The following EDIL3 variants were observed in gnomAD, a reference collection of about 807,000 sequenced individuals.
EDIL3 encodes EGF like and discoidin domains 3.
Under a neutral mutation model 67.4 loss-of-function variants are expected in EDIL3, and 37 were observed. That is an observed-to-expected ratio of 0.55 (90% CI 0.42 to 0.72). The LOEUF is 0.72. EDIL3 is among the 30% of genes least tolerant of loss of function. The pLI is 0.00. For missense variants in EDIL3, 527 were observed against 586.3 expected, an observed-to-expected ratio of 0.90 and a Z score of 1.04; for synonymous variants, 195 against 196.3, an observed-to-expected ratio of 0.99 and a Z score of 0.05.
chr5:84,341,604 C>A (rs549176687), intron 1 of EDIL3, among the ~76,000 whole-genome samples: 1 of 152,172 alleles, frequency 6.6e-6, no homozygotes, highest in Admixed American at 6.6e-5. Flanking sequence ...TCAGGATTTT[C>A]ATACAATCAT....
At chr5:84,033,666 T>C (rs1263286759) in intron 9 of EDIL3, among the ~76,000 whole-genome samples, 4 of 144,550 alleles carry the variant, frequency 2.8e-5, no homozygotes, top group Non-Finnish European at 6.0e-5. Context: ...ATCCTGCCAT[T>C]GTACTCCAAC....
At chr5:84,123,563 C>T (rs565686042) in intron 5 of EDIL3, among the ~76,000 whole-genome samples, 48 of 152,078 alleles carry the variant, frequency 3.2e-4, no homozygotes, top group Middle Eastern at 6.8e-3. Flanking sequence ...ATTATGTTTA[C>T]TTCACACACC....
intron 9 of EDIL3, among the ~76,000 whole-genome samples, chr5:84,025,671 C>A (rs562673079): frequency 6.6e-6 from 1 of 152,122 alleles, no homozygotes; most frequent in Non-Finnish European, 1.5e-5. Flanking sequence ...TACCTCTATG[C>A]ACCCATGCTA....
chr5:84,303,494 C>T (rs370175143), intron 1 of EDIL3, among the ~76,000 whole-genome samples: 1 of 152,134 alleles, frequency 6.6e-6, no homozygotes, highest in Admixed American at 6.5e-5. Flanking sequence ...AATCTGCCAA[C>T]AAGTTGAATT....
intron 1 of EDIL3, among the ~76,000 whole-genome samples, chr5:84,272,785 A>AT (rs1437811550): frequency 3.3e-5 from 5 of 152,310 alleles, no homozygotes; most frequent in Non-Finnish European, 7.4e-5. Flanking sequence ...ATCTGAACAC[A>AT]TTTTTTAAAC....
chr5:83,967,196 C>T (rs1744704304), intron 9 of EDIL3, among the ~76,000 whole-genome samples: 1 of 152,044 alleles, frequency 6.6e-6, no homozygotes, highest in South Asian at 2.1e-4. Context: ...TGGCATACAC[C>T]TGTAGTCCCA....
At chr5:84,238,641 T>C (rs1332707596) in intron 2 of EDIL3, among the ~76,000 whole-genome samples, 2 of 144,386 alleles carry the variant, frequency 1.4e-5, no homozygotes, top group African/African-American at 2.6e-5. Flanking sequence ...TTTCTTCCTG[T>C]TACAACAGGA....
chr5:84,354,098 G>T (rs1747422210), intron 1 of EDIL3, among the ~76,000 whole-genome samples: 1 of 152,154 alleles, frequency 6.6e-6, no homozygotes, highest in South Asian at 2.1e-4. Flanking sequence ...CGAACCTAGT[G>T]AGGACCAAAT....
chr5:84,156,937 G>A (rs182205358), intron 4 of EDIL3, among the ~76,000 whole-genome samples: 28 of 152,092 alleles, frequency 1.8e-4, no homozygotes, highest in African/African-American at 5.1e-4. Context: ...CTATCAGCAC[G>A]TCATAGACAC....
At chr5:84,281,676 A>T (rs1000643534) in intron 1 of EDIL3, among the ~76,000 whole-genome samples, 9 of 152,158 alleles carry the variant, frequency 5.9e-5, no homozygotes, top group Admixed American at 2.6e-4. Context: ...TGACAACCAG[A>T]TGCTCTCTAA....
intron 9 of EDIL3, among the ~76,000 whole-genome samples, chr5:83,968,909 A>G (rs1004777154): frequency 2.0e-5 from 3 of 151,846 alleles, no homozygotes; most frequent in Non-Finnish European, 4.4e-5. Context: ...ATTATGAATA[A>G]GATATATGAT....
chr5:84,262,103 C>G (rs1039355449), intron 1 of EDIL3, among the ~76,000 whole-genome samples: 2 of 152,128 alleles, frequency 1.3e-5, no homozygotes, highest in African/African-American at 2.4e-5. Flanking sequence ...CTTAAAAGAA[C>G]CTACAGTTTC....
At chr5:84,258,537 A>G (rs1426256200) in intron 1 of EDIL3, among the ~76,000 whole-genome samples, 3 of 152,178 alleles carry the variant, frequency 2.0e-5, no homozygotes, top group Non-Finnish European at 4.4e-5. Context: ...GGGTCCTGAA[A>G]GTTCTGCAGG....
At position 83,970,256 on chromosome 5, in the gene EDIL3, T is replaced by TTATATATATATATATATATATA. The variant is rs60143474; in HGVS notation, c.1138-6918_1138-6897dup. Among the ~76,000 whole-genome samples, 252 of 128,390 alleles carry TTATATATATATATATATATATA rather than the reference T, an allele frequency of 2.0e-3. 2 individuals are homozygous for TTATATATATATATATATATATA. Among genetic ancestry groups the TTATATATATATATATATATATA allele is most frequent in the Middle Eastern group, 9.0e-3 (2 of 222 alleles). The allele number at this position is 128,390 out of a possible 152,430, so 84.2% of individuals were successfully genotyped here. A position where few individuals can be genotyped will look rare whatever the true frequency, so the allele number is the denominator to read the frequency against. ...TTTCTTAATTGTTCAGTGTCACTAA[T>TTATATATATATATATATATATA]TATATATATATATATATATATATAT... On this transcript the variant is annotated intron_variant, in intron 9 of 10. Transcript: ENST00000296591.
intron 9 of EDIL3, among the ~76,000 whole-genome samples, chr5:84,003,565 G>T (rs947230618): frequency 6.6e-6 from 1 of 152,122 alleles, no homozygotes; most frequent in Non-Finnish European, 1.5e-5. Context: ...GCCAAACTAA[G>T]CTTCACATGT....
chr5:84,014,139 T>G (rs1745561248), intron 9 of EDIL3, among the ~76,000 whole-genome samples: 2 of 152,160 alleles, frequency 1.3e-5, no homozygotes. Flanking sequence ...CTTAACAGGA[T>G]TTTTCAATAC....
chr5:84,341,685 G>A (rs956482451), intron 1 of EDIL3, among the ~76,000 whole-genome samples: 4 of 150,470 alleles, frequency 2.7e-5, no homozygotes, highest in Non-Finnish European at 4.4e-5. Flanking sequence ...CCTAAAATAG[G>A]CTAAACCTGA....
At chr5:84,117,336 T>C (rs1367740612) in intron 5 of EDIL3, among the ~76,000 whole-genome samples, 4 of 152,126 alleles carry the variant, frequency 2.6e-5, no homozygotes, top group Non-Finnish European at 5.9e-5. Context: ...GGCCAAGTAC[T>C]TATTTTTGTT....
At chr5:84,025,047 T>C (rs1745787477) in intron 9 of EDIL3, among the ~76,000 whole-genome samples, 1 of 152,140 alleles carries the variant, frequency 6.6e-6, no homozygotes, top group East Asian at 1.9e-4. Context: ...CCAGTAGATA[T>C]TTTTGTGTCC....
Sources: gnomAD v4.1 joint callset for allele counts (sites outside exome capture counted in the v4.1 genomes callset) on GRCh38, gnomAD v4.1.1 for gene constraint, MANE v1.5 for transcripts, NCBI Gene and HGNC (gene_info 2026-07-23, HGNC 2026-07-21) for gene names.